The following HTR4 variants were observed in gnomAD, a reference collection of about 807,000 sequenced individuals.
HTR4 encodes the protein 5-hydroxytryptamine (serotonin) receptor 4, G protein-coupled.
Under a neutral mutation model 36.8 loss-of-function variants are expected in HTR4, and 16 were observed. The observed-to-expected ratio is 0.43, with a 90% CI of 0.29 to 0.66. The LOEUF (loss-of-function observed/expected upper bound fraction) is 0.66, where lower values mean the gene tolerates loss of function less well. HTR4 is among the 30% of genes least tolerant of loss of function. The probability of loss-of-function intolerance (pLI) is 0.13; values close to 1 mark genes in which losing one functional copy is unlikely to be tolerated. For synonymous variants in HTR4, 189 were observed against 185.1 expected, an observed-to-expected ratio of 1.02 and a Z score of -0.17; for missense variants, 438 against 490.9, an observed-to-expected ratio of 0.89 and a Z score of 1.02.
chr5:148,470,760 C>G (rs959130013), intron 5 of HTR4, among the ~76,000 whole-genome samples: 1 of 152,162 alleles, frequency 6.6e-6, no homozygotes, highest in African/African-American at 2.4e-5. Context: ...AAAATCTCAG[C>G]TCACTGCAAC....
intron 2 of HTR4, among the ~76,000 whole-genome samples, chr5:148,605,373 C>T (rs1752114682): frequency 6.6e-6 from 1 of 151,028 alleles, no homozygotes; most frequent in South Asian, 2.1e-4. Context: ...ATTCTCCTGC[C>T]TCAGTCTCCC....
intron 2 of HTR4, among the ~76,000 whole-genome samples, chr5:148,607,276 T>C (rs1752211230): frequency 6.6e-6 from 1 of 152,066 alleles, no homozygotes; most frequent in African/African-American, 2.4e-5. Flanking sequence ...AAGTACTGCT[T>C]AGGGGGGAAA....
At chr5:148,516,872 C>T (rs143470129) in intron 5 of HTR4, among the ~76,000 whole-genome samples, 9 of 152,160 alleles carry the variant, frequency 5.9e-5, no homozygotes, top group African/African-American at 2.2e-4. Context: ...GAAAAGAACA[C>T]CTCAATCATG....
intron 2 of HTR4, among the ~76,000 whole-genome samples, chr5:148,556,443 A>G (rs1447369030): frequency 4.6e-5 from 7 of 152,226 alleles, no homozygotes; most frequent in Admixed American, 4.6e-4. Flanking sequence ...TGAGAAAGTT[A>G]GATTAAATTT....
chr5:148,499,243 C>A (rs1040817479), intron 6 of HTR4, among the ~76,000 whole-genome samples: 1 of 152,088 alleles, frequency 6.6e-6, no homozygotes, highest in African/African-American at 2.4e-5. Flanking sequence ...GGACTTAGGG[C>A]TCTCAAATAT....
chr5:148,451,579 T>C (rs1254172359), intron 5 of HTR4, among the ~76,000 whole-genome samples: 2 of 152,114 alleles, frequency 1.3e-5, no homozygotes, highest in African/African-American at 2.4e-5. Context: ...CTGGGGTTCT[T>C]GTGTCACTCA....
At chr5:148,576,110 CAAAAAAAAAAAAA>C (rs781780161) in intron 2 of HTR4, among the ~76,000 whole-genome samples, 1 of 32,712 alleles carries the variant, frequency 3.1e-5, no homozygotes, top group Admixed American at 3.9e-4. Flanking sequence ...GACTCCGTCT[CAAAAAAAAAAAAA>C]AAAAAAAAAA....
At chr5:148,530,709 G>T (rs1312830348) in intron 4 of HTR4, among the ~76,000 whole-genome samples, 1 of 152,166 alleles carries the variant, frequency 6.6e-6, no homozygotes, top group Non-Finnish European at 1.5e-5. Flanking sequence ...CCAGACCCCA[G>T]AACCAGAGAT....
intron 2 of HTR4, among the ~76,000 whole-genome samples, chr5:148,580,711 T>A (rs1761099828): frequency 6.6e-6 from 1 of 152,156 alleles, no homozygotes; most frequent in Non-Finnish European, 1.5e-5. Flanking sequence ...TTTCTTCTTT[T>A]TCAAGGCTAA....
intron 4 of HTR4, among the ~76,000 whole-genome samples, chr5:148,537,462 A>C (rs1758883141): frequency 6.6e-6 from 1 of 152,134 alleles, no homozygotes. Context: ...TAGGTTTTTG[A>C]AAACATGAAG....
exon 6 of HTR4, chr5:148,451,204 G>A (rs762318794): frequency 1.2e-6 from 2 of 1,613,860 alleles, no homozygotes; most frequent in South Asian, 2.2e-5. Flanking sequence ...TGATTCCAGG[G>A]ATTCTGGGTC....
At chr5:148,471,628 A>G (rs913669203) in intron 5 of HTR4, among the ~76,000 whole-genome samples, 1 of 152,222 alleles carries the variant, frequency 6.6e-6, no homozygotes. Flanking sequence ...AAATAAATAC[A>G]TCACTAACCA....
intron 4 of HTR4, among the ~76,000 whole-genome samples, chr5:148,523,743 C>G (rs555505102): frequency 2.0e-5 from 3 of 152,260 alleles, no homozygotes; most frequent in African/African-American, 7.2e-5. Context: ...CTCCCAATAT[C>G]TGGAGGAGCT....
chr5:148,581,341 C>A (rs1186726742), intron 2 of HTR4, among the ~76,000 whole-genome samples: 2 of 152,040 alleles, frequency 1.3e-5, no homozygotes, highest in South Asian at 4.1e-4. Flanking sequence ...GAAGTGTTTT[C>A]GTTTAATGTA....
chr5:148,471,073 C>T (rs762861641), intron 5 of HTR4, among the ~76,000 whole-genome samples: 6 of 152,166 alleles, frequency 3.9e-5, no homozygotes, highest in Admixed American at 6.5e-5. Flanking sequence ...TCAATAAGTG[C>T]TGAAATCAGG....
At chr5:148,573,646 A>T (rs146844024) in intron 2 of HTR4, among the ~76,000 whole-genome samples, 196 of 152,184 alleles carry the variant, frequency 1.3e-3, no homozygotes, top group African/African-American at 4.4e-3. Flanking sequence ...TACAATGAAC[A>T]ACATAATGAG....
At chr5:148,635,181 G>C (rs966687218) in intron 2 of HTR4, among the ~76,000 whole-genome samples, 1 of 151,994 alleles carries the variant, frequency 6.6e-6, no homozygotes, top group African/African-American at 2.4e-5. Context: ...ATAAACATTT[G>C]ATTTTAAAAT....
At chr5:148,638,829 T>C (rs10039467) in intron 1 of HTR4, among the ~76,000 whole-genome samples, 73,189 of 151,796 alleles carry the variant, frequency 0.48, 18,229 homozygotes, top group East Asian at 0.59. Flanking sequence ...CCTAGGTGAG[T>C]GGATCGCTTG....
rs558220641 is a variant in HTR4 at position 148,522,109 on chromosome 5, G to A, written c.507+1084C>T. Among the ~76,000 whole-genome samples the A allele has an allele frequency of 4.5e-4, 68 of 152,162 alleles. No homozygotes were observed. The South Asian group carries it at 1.0e-2, about 22-fold the overall frequency. On this transcript the variant is annotated intron_variant, in intron 5 of 6. Transcript: ENST00000377888. Reference sequence around the variant, plus strand: ...GTTTTATAAAGGGGAAACCCCCTTCGCTTGGCTCCCATTCTCTCTTGCCTG... The same window carrying A: ...GTTTTATAAAGGGGAAACCCCCTTCACTTGGCTCCCATTCTCTCTTGCCTG...
Sources: allele counts gnomAD v4.1 joint callset (sites outside exome capture counted in the v4.1 genomes callset), GRCh38; gene constraint gnomAD v4.1.1; transcripts MANE v1.5; gene names NCBI Gene and HGNC (gene_info 2026-07-23, HGNC 2026-07-21).